Variants in TXLNB observed in about 807,000 individuals in gnomAD.
The protein encoded by TXLNB is taxilin beta, also known as beta-taxilin.
Under a neutral mutation model 57.4 loss-of-function variants are expected in TXLNB, and 37 were observed. That is an observed-to-expected ratio of 0.64 (90% confidence interval 0.50 to 0.85). The LOEUF is 0.85. Ranked by LOEUF, TXLNB falls within the 40% of genes least tolerant of loss-of-function variation. The pLI, the probability that TXLNB is intolerant of heterozygous loss-of-function variation, is 0.00. For missense variants in TXLNB, 848 were observed against 825.6 expected (o/e 1.03, Z -0.33); for synonymous variants, 302 against 309.6 (o/e 0.98, Z 0.26).
At chr6:139,225,335 T>C in the TXLNB span, among the ~76,000 whole-genome samples, 5 of 151,816 alleles carry the variant, frequency 3.3e-5, no homozygotes, top group Non-Finnish European at 4.4e-5. Context: ...AGTACAATAA[T>C]GCAAGAAAAA....
the TXLNB span, among the ~76,000 whole-genome samples, chr6:139,308,213 C>G: frequency 6.6e-6 from 1 of 152,188 alleles, no homozygotes; most frequent in South Asian, 2.1e-4. Flanking sequence ...TTTGGAGTCA[C>G]TGACTCTGGC....
At chr6:139,199,328 A>G in the TXLNB span, among the ~76,000 whole-genome samples, 3 of 152,100 alleles carry the variant, frequency 2.0e-5, no homozygotes, top group Admixed American at 6.5e-5. Context: ...CTGCGACTCT[A>G]CCAATTTCTT....
At chr6:139,235,555 C>G (rs1470931138), downstream of TXLNB, among the ~76,000 whole-genome samples, 2 of 152,150 alleles carry the variant, frequency 1.3e-5, no homozygotes, top group Non-Finnish European at 2.9e-5. Flanking sequence ...CCCATAATCC[C>G]TATCTGTCAA....
chr6:139,181,085 C>A, the TXLNB span, among the ~76,000 whole-genome samples: 2 of 151,896 alleles, frequency 1.3e-5, no homozygotes, highest in Non-Finnish European at 2.9e-5. Flanking sequence ...TTAGGGAATT[C>A]TATTATTTGA....
At chr6:139,161,756 G>T in the TXLNB span, among the ~76,000 whole-genome samples, 1 of 152,120 alleles carries the variant, frequency 6.6e-6, no homozygotes, top group African/African-American at 2.4e-5. Context: ...GATTTTATTG[G>T]TCTTGGGTTA....
At chr6:139,265,286 C>T (rs1256970038) in intron 4 of TXLNB, among the ~76,000 whole-genome samples, 1 of 152,184 alleles carries the variant, frequency 6.6e-6, no homozygotes, top group Non-Finnish European at 1.5e-5. Flanking sequence ...ACTTACCCCT[C>T]TCTTACTAGG....
intron 4 of TXLNB, among the ~76,000 whole-genome samples, chr6:139,269,960 C>T (rs1776714736): frequency 6.6e-6 from 1 of 152,138 alleles, no homozygotes; most frequent in Non-Finnish European, 1.5e-5. Flanking sequence ...CAATAGCTTC[C>T]TTTTTTTCAG....
In TXLNB at chr6:139,288,474, GC is replaced by G; in HGVS notation, c.424+1del. ...GTCACATATTTGAACATAACTACTT[GC>G]CTAATCCTTTTAGGATTTTCTTTTC... On this transcript the variant is annotated splice_donor_variant, in intron 2 of 9. Transcript: ENST00000358430. LOFTEE classifies it high-confidence loss of function. 6.2e-7 allele frequency: 1 copy of G among 1,613,476 alleles called. No individual in the cohort carries two copies. Among genetic ancestry groups the G allele is most frequent in the East Asian group, 2.2e-5 (1 of 44,866 alleles).
downstream of TXLNB, among the ~76,000 whole-genome samples, chr6:139,238,761 C>G (rs1018791400): frequency 1.3e-5 from 2 of 152,176 alleles, no homozygotes; most frequent in Non-Finnish European, 1.5e-5. Context: ...CTGTGAAACC[C>G]TCCTTGCCAC....
the TXLNB span, among the ~76,000 whole-genome samples, chr6:139,191,489 C>T: frequency 3.4e-4 from 52 of 152,342 alleles, 1 homozygote; most frequent in Non-Finnish European, 4.3e-4. Flanking sequence ...TCCGTAGTCA[C>T]ATGTGGCTAG....
the TXLNB span, among the ~76,000 whole-genome samples, chr6:139,228,482 T>C: frequency 7.2e-6 from 1 of 138,496 alleles, no homozygotes; most frequent in Non-Finnish European, 1.5e-5. Context: ...GCTGAGATCA[T>C]GCCACTGCAC....
chr6:139,213,329 AAAACCGCTC>A, the TXLNB span, among the ~76,000 whole-genome samples: 39 of 152,228 alleles, frequency 2.6e-4, no homozygotes, highest in African/African-American at 8.2e-4. Flanking sequence ...AAACTCACTC[AAAACCGCTC>A]AACTACATGG....
chr6:139,302,294 T>A, the TXLNB span, among the ~76,000 whole-genome samples: 8 of 147,910 alleles, frequency 5.4e-5, no homozygotes, highest in African/African-American at 2.0e-4. Context: ...GAAACTTGGG[T>A]CTGGGTAAAG....
At chr6:139,196,531 T>C in the TXLNB span, among the ~76,000 whole-genome samples, 16,448 of 151,684 alleles carry the variant, frequency 0.11, 1,342 homozygotes, top group African/African-American at 0.21. Flanking sequence ...CCCACCACCA[T>C]ACCCAGCTAA....
chr6:139,238,511 G>A (rs150313804), downstream of TXLNB, among the ~76,000 whole-genome samples: 1,079 of 152,236 alleles, frequency 7.1e-3, 10 homozygotes, highest in African/African-American at 0.024. Flanking sequence ...GCATTCACAC[G>A]CACATGTGAC....
chr6:139,234,794 G>T, the TXLNB span, among the ~76,000 whole-genome samples: 2 of 152,094 alleles, frequency 1.3e-5, no homozygotes, highest in African/African-American at 2.4e-5. Flanking sequence ...TGTGAGAAGC[G>T]GGCCAAAGTC....
the TXLNB span, among the ~76,000 whole-genome samples, chr6:139,215,050 G>T: frequency 6.1e-4 from 93 of 152,132 alleles, no homozygotes; most frequent in East Asian, 0.015. Flanking sequence ...TGGCCATACT[G>T]CCCAAGGTAA....
chr6:139,276,103 A>C (rs1776888094), intron 3 of TXLNB, among the ~76,000 whole-genome samples: 1 of 152,216 alleles, frequency 6.6e-6, no homozygotes, highest in Admixed American at 6.5e-5. Context: ...AATAACTTAA[A>C]TATGCCCCAT....
At chr6:139,313,135 C>T in the TXLNB span, among the ~76,000 whole-genome samples, 91 of 151,536 alleles carry the variant, frequency 6.0e-4, no homozygotes, top group African/African-American at 2.2e-3. Context: ...TGCAGTGGCG[C>T]GATCTCGGCT....
Sources: allele counts gnomAD v4.1 joint callset (sites outside exome capture counted in the v4.1 genomes callset), GRCh38; gene constraint gnomAD v4.1.1; transcripts MANE v1.5; gene names NCBI Gene and HGNC (gene_info 2026-07-23, HGNC 2026-07-21).